The following NSD3 variants were observed in gnomAD, a reference collection of about 807,000 sequenced individuals.
NSD3 encodes the protein nuclear receptor binding SET domain protein 3.
A neutral mutation model predicts 160.8 loss-of-function variants in NSD3; 24 were observed. The ratio of observed to expected loss-of-function variants is 0.15; its 90% confidence interval spans 0.11 to 0.21. The LOEUF is 0.21. NSD3 is among the 10% of genes least tolerant of loss of function. The pLI, the probability that NSD3 is intolerant of heterozygous loss-of-function variation, is 1.00. For synonymous variants in NSD3, 520 were observed against 600.0 expected (o/e 0.87, Z 1.95); for missense variants, 1,157 against 1,735.9 (o/e 0.67, Z 5.93).
At chr8:38,284,979 C>A (rs1350316824) in intron 19 of NSD3, among the ~76,000 whole-genome samples, 1 of 152,152 alleles carries the variant, frequency 6.6e-6, no homozygotes, top group African/African-American at 2.4e-5. Context: ...AGATCTTTAG[C>A]CTCAAAGAGA....
chr8:38,324,310 T>C (rs1175318409), intron 7 of NSD3, among the ~76,000 whole-genome samples: 1 of 152,228 alleles, frequency 6.6e-6, no homozygotes, highest in Non-Finnish European at 1.5e-5. Flanking sequence ...CCATCCAACA[T>C]GTGCTGCATC....
At chr8:38,369,861 C>T (rs1446816701) in intron 1 of NSD3, among the ~76,000 whole-genome samples, 2 of 151,996 alleles carry the variant, frequency 1.3e-5, no homozygotes, top group Non-Finnish European at 2.9e-5. Flanking sequence ...GTGGCACGAT[C>T]TCAGCTCACT....
In NSD3 at chr8:38,348,073, G is replaced by A. The variant is rs1810579767; in HGVS notation, c.99C>T (p.Ala33=). Residue 33 remains alanine, a synonymous_variant, in exon 2 of 24, where the codon GCC becomes GCT. Transcript: ENST00000317025. ...IDSANIRQED[A]FDNNSDIAED... is the part of the protein sequence containing the mutation. Reference sequence around the variant, plus strand: ...CAGCAATGTCACTGTTGTTATCAAAGGCATCCTCCTGACGGATGTTGGCGG... The same window carrying A: ...CAGCAATGTCACTGTTGTTATCAAAAGCATCCTCCTGACGGATGTTGGCGG... The A allele has an allele frequency of 6.2e-7, 1 of 1,614,046 alleles. No homozygotes were observed.
chr8:38,279,034 A>G (rs1808677174), intron 21 of NSD3, among the ~76,000 whole-genome samples: 1 of 152,252 alleles, frequency 6.6e-6, no homozygotes, highest in Non-Finnish European at 1.5e-5. Flanking sequence ...TATTGTTCAG[A>G]TGCTGGATAG....
intron 1 of NSD3, among the ~76,000 whole-genome samples, chr8:38,374,362 T>TA (rs1224938160): frequency 1.3e-5 from 2 of 152,130 alleles, no homozygotes; most frequent in African/African-American, 4.8e-5. Context: ...CACACCTATG[T>TA]AGAAAAATAC....
rs1317604530 is a variant in NSD3, at chr8:38,319,416, C to A, written c.1810-476G>T. 3 of 154,872 alleles carry A rather than the reference C, an allele frequency of 1.9e-5. No homozygotes were observed. The highest frequency in any genetic ancestry group is 4.3e-5 in the Non-Finnish European group (3 of 69,972). 9.6% of individuals were successfully genotyped at this position (154,872 alleles called of 1,614,324 possible). ...CTAAGTTGCTGGGAATCAGGACCCT[C>A]TCTGTAGAGAGTGCTACAGGGCTCC... On this transcript the variant is annotated intron_variant, in intron 8 of 23. Transcript: ENST00000317025. This position sits in a 1 kb window ranked among gnomAD's most constrained non-coding sequence, Gnocchi z 4.1.
At position 38,351,594 on chromosome 8, in the gene NSD3, C is replaced by A. The variant is rs1361420659; in HGVS notation, c.-44-3379G>T. On this transcript the variant is annotated intron_variant, in intron 1 of 23. Coordinates refer to ENST00000317025, the MANE Select transcript of NSD3 (RefSeq NM_023034.2). ...AGGAGAATTGTTTGAACCCAGGAGG[C>A]AGAGGTTGCAGTGAGCAGAGATCGC... Among the ~76,000 whole-genome samples, 5 of 149,512 alleles carry A rather than the reference C, an allele frequency of 3.3e-5. No homozygotes were observed. In the South Asian group the frequency reaches 8.4e-4, roughly 25 times the overall value.
chr8:38,295,404 T>C (rs552530309), intron 16 of NSD3, among the ~76,000 whole-genome samples: 1 of 151,836 alleles, frequency 6.6e-6, no homozygotes, highest in Non-Finnish European at 1.5e-5. Context: ...CTACTAAAAA[T>C]ACAAAAAACT....
At chr8:38,303,973 C>T (rs554694081) in intron 14 of NSD3, among the ~76,000 whole-genome samples, 3 of 152,312 alleles carry the variant, frequency 2.0e-5, no homozygotes, top group East Asian at 1.9e-4. Flanking sequence ...CACTGACCCC[C>T]GTAGGGCTAC....
At chr8:38,350,973 CTTT>C (rs35184943) in intron 1 of NSD3, among the ~76,000 whole-genome samples, 9 of 134,140 alleles carry the variant, frequency 6.7e-5, no homozygotes, top group Non-Finnish European at 6.4e-5. Context: ...CTAGAAAGTT[CTTT>C]TTTTTTTTTT....
chr8:38,323,046 T>C (rs1365808477), intron 7 of NSD3, among the ~76,000 whole-genome samples: 1 of 152,088 alleles, frequency 6.6e-6, no homozygotes, highest in Non-Finnish European at 1.5e-5. Flanking sequence ...AATTAAGTTT[T>C]TTTTCTTTTC....
rs570827175 is a variant in NSD3, at chr8:38,316,189, C to T, written c.1856-147G>A. On this transcript the variant is annotated intron_variant, in intron 9 of 23. Transcript: ENST00000317025. This position sits in a 1 kb window ranked among gnomAD's most constrained non-coding sequence, Gnocchi z 4.5. The stretch of plus-strand genomic sequence containing the variant: ...TCTTTGTAACACTGAAATAATGAGT[C>T]AAAACTTCAGAACTTCTGACCTTCC... 5.8e-5 allele frequency: 72 copies of T among 1,249,626 alleles called. No individual in the cohort carries two copies. The highest frequency in any genetic ancestry group is 7.3e-5 in the Non-Finnish European group (68 of 935,494). 77.4% of individuals were successfully genotyped at this position (1,249,626 alleles called of 1,614,324 possible). A position where few individuals can be genotyped will look rare whatever the true frequency, so the allele number is the denominator to read the frequency against.
rs114330545 is a variant in NSD3, at chr8:38,364,522, G to A, written c.-44-16307C>T. 2.7e-3 allele frequency among the ~76,000 whole-genome samples: 409 copies of A among 152,228 alleles called. 2 individuals are homozygous for A. The highest frequency in any genetic ancestry group is 9.5e-3 in the African/African-American group (393 of 41,526). On this transcript the variant is annotated intron_variant, in intron 1 of 23. Coordinates refer to ENST00000317025, the MANE Select transcript of NSD3 (RefSeq NM_023034.2). ...AGCTGCCGCAGCTTTCTATACTCTG[G>A]AGTTTACTCTCATTCTAGGGGTAGA...
At chr8:38,327,092 C>A (rs545751741) in intron 6 of NSD3, among the ~76,000 whole-genome samples, 3 of 151,918 alleles carry the variant, frequency 2.0e-5, no homozygotes, top group African/African-American at 7.2e-5. Flanking sequence ...CTCTGTCGCC[C>A]AGGCTGGAGT....
At chr8:38,295,171 T>C (rs1809105592) in intron 16 of NSD3, among the ~76,000 whole-genome samples, 1 of 151,562 alleles carries the variant, frequency 6.6e-6, no homozygotes, top group South Asian at 2.1e-4. Context: ...AAAGTTTTTT[T>C]TGGAAAAAAA....
chr8:38,350,951 C>A (rs927028083), intron 1 of NSD3, among the ~76,000 whole-genome samples: 4 of 150,756 alleles, frequency 2.7e-5, no homozygotes, highest in African/African-American at 9.7e-5. Context: ...GATAATCCAA[C>A]AAACATTTCT....
rs1052766961 is a variant in NSD3, at chr8:38,382,042, G to C, written c.-288C>G. 1 of 152,802 alleles carries C rather than the reference G, an allele frequency of 6.5e-6. No individual in the cohort carries two copies. The highest frequency in any genetic ancestry group is 2.4e-5 in the African/African-American group (1 of 41,450). 9.5% of individuals were successfully genotyped at this position (152,802 alleles called of 1,614,324 possible). On this transcript the variant is annotated 5_prime_UTR_variant, in exon 1 of 24. Coordinates refer to ENST00000317025, the MANE Select transcript of NSD3 (RefSeq NM_023034.2). This position sits in a 1 kb window ranked among gnomAD's most constrained non-coding sequence, Gnocchi z 4.2. ...CCGGGCGTGCTGCGGGAAGAGGAAG[G>C]CTCGGGAGGTGGGATGGGAAGGGGA...
In NSD3 at chr8:38,338,607, T is replaced by G; in HGVS notation, c.676A>C (p.Arg226=). 1 of 1,613,420 alleles carries G rather than the reference T, an allele frequency of 6.2e-7. No homozygotes were observed. Among genetic ancestry groups the G allele is most frequent in the South Asian group, 1.1e-5 (1 of 91,066 alleles). The part of the protein sequence containing the change: ...IPKLEPEEQN[R]PNERVDTVSE... Reference sequence around the variant, plus strand: ...ACAGTGTCAACCCTCTCATTTGGTCTCTAGGTGAAAAGGTATAGGTAAGTA... The same window carrying G: ...ACAGTGTCAACCCTCTCATTTGGTCGCTAGGTGAAAAGGTATAGGTAAGTA... Residue 226 remains arginine (R), a splice_region_variant and synonymous_variant, in exon 3 of 24, where the codon AGA becomes CGA. Transcript: ENST00000317025.
intron 1 of NSD3, 71 bp from the exon 2 acceptor site, chr8:38,348,286 G>C: frequency 8.2e-7 from 1 of 1,219,192 alleles, no homozygotes; most frequent in East Asian, 2.5e-5. Flanking sequence ...AACTGAAAAA[G>C]GATTAAACTA....
Sources: gnomAD v4.1 joint callset for allele counts (sites outside exome capture counted in the v4.1 genomes callset) on GRCh38, gnomAD v4.1.1 for gene constraint, Gnocchi (gnomAD v3.1) non-coding constraint, MANE v1.5 for transcripts, NCBI Gene and HGNC (gene_info 2026-07-23, HGNC 2026-07-21) for gene names.